SERINC3: variants seen among roughly 807,000 people sequenced by gnomAD.
SERINC3 encodes the protein tumor differentially expressed protein 1.
In SERINC3, 22 loss-of-function variants were observed where a neutral mutation model predicts 52.1. The observed-to-expected ratio is 0.42, with a 90% CI of 0.30 to 0.60. The LOEUF (loss-of-function observed/expected upper bound fraction) is 0.60. Ranked by LOEUF, SERINC3 falls within the 20% of genes least tolerant of loss-of-function variation. The pLI is 0.16. For synonymous variants in SERINC3, 226 were observed against 212.7 expected, an observed-to-expected ratio of 1.06 and a Z score of -0.54; for missense variants, 564 against 584.6, an observed-to-expected ratio of 0.96 and a Z score of 0.36.
downstream of SERINC3, among the ~76,000 whole-genome samples, chr20:44,496,775 C>G (rs960048849): frequency 9.9e-5 from 15 of 152,148 alleles, no homozygotes; most frequent in Admixed American, 9.2e-4. Flanking sequence ...GCCTGGGCAA[C>G]AGAGCAAAAC....
rs1383720765 is a variant in SERINC3 at position 44,504,763 on chromosome 20, C to T, written c.874+38G>A. On this transcript the variant is annotated intron_variant, in intron 7 of 9. Coordinates refer to ENST00000342374, the MANE Select transcript of SERINC3 (RefSeq NM_006811.4). ...TATGTAAAGGCTGATTTCCTACTTT[C>T]TTTTTATCAAATGAATGTGTTATTG... 1.5e-5 allele frequency: 22 copies of T among 1,513,978 alleles called. No homozygotes were observed. The Middle Eastern group carries it at 1.5e-3, about 102-fold the overall frequency. 93.8% of individuals were successfully genotyped at this position (1,513,978 alleles called of 1,614,324 possible). A position where few individuals can be genotyped will look rare whatever the true frequency, so the allele number is the denominator to read the frequency against.
chr20:44,506,828 T>G lies in SERINC3; in HGVS notation c.782A>C (p.Gln261Pro). Residue 261 changes from glutamine to proline, a missense_variant and splice_region_variant, in exon 6 of 10, where the codon CAG (glutamine) becomes CCG (proline). Gln to Pro is a moderately conservative substitution (Grantham distance 76). Coordinates refer to ENST00000342374, the MANE Select transcript of SERINC3 (RefSeq NM_006811.4). ...GAAAGAAGTAGTAAACAATCATACC[T>G]GAATTTTTGGGTGGATCGATATAAT... ...ASIISIHPKI[Q>P]EHQPRSGLLQ... 1 of 1,565,792 alleles carries G rather than the reference T, an allele frequency of 6.4e-7. No individual in the cohort carries two copies. The highest frequency in any genetic ancestry group is 8.6e-7 in the Non-Finnish European group (1 of 1,158,598).
chr20:44,517,831 G>A (rs6031641), intron 1 of SERINC3, among the ~76,000 whole-genome samples: 1 of 152,098 alleles, frequency 6.6e-6, no homozygotes, highest in East Asian at 1.9e-4. Context: ...TCTTTACAAC[G>A]TTATATCTTT....
At position 44,511,282 on chromosome 20, in the gene SERINC3, AC is replaced by A. The variant is rs1188314324; in HGVS notation, c.475+6del. ...TTAAAATTAACCCCCTCAATGGTGA[AC>A]CCTACCTGAGCTGAAATAGCCCCCA... On this transcript the variant is annotated splice_donor_region_variant and intron_variant, in intron 4 of 9. Coordinates refer to ENST00000342374, the MANE Select transcript of SERINC3 (RefSeq NM_006811.4). 6.3e-7 allele frequency: 1 copy of A among 1,584,082 alleles called. No homozygotes were observed. The highest frequency in any genetic ancestry group is 1.3e-5 in the African/African-American group (1 of 74,198).
downstream of SERINC3, chr20:44,496,296 C>G (rs2064248985): frequency 1.3e-5 from 2 of 152,492 alleles, no homozygotes; most frequent in Admixed American, 1.3e-4. Context: ...CACCTGAGAA[C>G]ATAGGCATGG....
intron 2 of SERINC3, 115 bp downstream of exon 2, chr20:44,513,764 G>T: frequency 1.1e-6 from 1 of 883,714 alleles, no homozygotes; most frequent in Non-Finnish European, 1.6e-6. Flanking sequence ...CCCCATATAA[G>T]TAAAAAATCT....
chr20:44,509,553 G>T (rs543826221), intron 5 of SERINC3, among the ~76,000 whole-genome samples: 1 of 152,088 alleles, frequency 6.6e-6, no homozygotes, highest in African/African-American at 2.4e-5. Flanking sequence ...TTTAGAGACA[G>T]GGTCTTGCTC....
chr20:44,507,023 G>T, intron 5 of SERINC3, 27 bp from the exon 6 acceptor site: 2 of 1,527,370 alleles, frequency 1.3e-6, no homozygotes, highest in South Asian at 2.7e-5. Context: ...CAATATGAAT[G>T]ACCACAACTA....
chr20:44,520,934 A>C (rs2064412638), intron 1 of SERINC3, among the ~76,000 whole-genome samples: 1 of 152,142 alleles, frequency 6.6e-6, no homozygotes, highest in South Asian at 2.1e-4. Flanking sequence ...TTGGCACAGA[A>C]AGTGGGCACA....
rs756868827 is a variant in SERINC3, at chr20:44,503,802, C to T, written c.1055+13G>A. Reference sequence around the variant, plus strand: ...CTCCATGAAAATCTTGTTCTAAGTACCTTTTAACTTACCTAGAATACAAGA... The same window carrying T: ...CTCCATGAAAATCTTGTTCTAAGTATCTTTTAACTTACCTAGAATACAAGA... On this transcript the variant is annotated intron_variant, in intron 8 of 9. Coordinates refer to ENST00000342374, the MANE Select transcript of SERINC3 (RefSeq NM_006811.4). 6.6e-7 allele frequency: 1 copy of T among 1,520,028 alleles called. No homozygotes were observed. The highest frequency in any genetic ancestry group is 1.3e-5 in the South Asian group (1 of 75,318). The allele number at this position is 1,520,028 out of a possible 1,614,324, so 94.2% of individuals were successfully genotyped here. A position where few individuals can be genotyped will look rare whatever the true frequency, so the allele number is the denominator to read the frequency against.
intron 1 of SERINC3, among the ~76,000 whole-genome samples, chr20:44,514,528 G>C (rs2064367936): frequency 6.6e-6 from 1 of 152,182 alleles, no homozygotes; most frequent in Non-Finnish European, 1.5e-5. Context: ...GGGAGGCCGA[G>C]GCGGGTGGAT....
chr20:44,501,119 A>T lies in SERINC3; in HGVS notation c.1237T>A (p.Cys413Ser). 6.2e-7 allele frequency: 1 copy of T among 1,614,140 alleles called. No homozygotes were observed. Among genetic ancestry groups the T allele is most frequent in the Non-Finnish European group, 8.5e-7 (1 of 1,180,022 alleles). ...YSYSLFHLML[C>S]LASLYIMMTL... ...ATCATGATGTACAAGGAAGCCAAGC[A>T]GAGCATGAGGTGGAATAAGGAGTAG... The change falls in exon 9 of 10, where the codon TGC becomes AGC. Residue 413 changes from cysteine to serine, a missense_variant. Coordinates refer to ENST00000342374, the MANE Select transcript of SERINC3 (RefSeq NM_006811.4).
In SERINC3 at chr20:44,500,108, C is replaced by T. The variant is rs1405308249; in HGVS notation, c.*188G>A. 4 of 614,230 alleles carry T rather than the reference C, an allele frequency of 6.5e-6. No homozygotes were observed. The highest frequency in any genetic ancestry group is 3.5e-5 in the Admixed American group (1 of 28,942). 38.0% of individuals were successfully genotyped at this position (614,230 alleles called of 1,614,324 possible). On this transcript the variant is annotated 3_prime_UTR_variant, in exon 10 of 10. Coordinates refer to ENST00000342374, the MANE Select transcript of SERINC3 (RefSeq NM_006811.4). ...TATCCTTAGAAGTAAACATAATATA[C>T]AGATAAATGAGAAGTTTCGATTCTG...
chr20:44,514,914 C>T (rs2064370552), intron 1 of SERINC3, among the ~76,000 whole-genome samples: 1 of 152,008 alleles, frequency 6.6e-6, no homozygotes, highest in South Asian at 2.1e-4. Context: ...AAGTATATAC[C>T]CGACCCCAAT....
Position 44,500,238 on chromosome 20 carries a change from G to C in SERINC3, c.*58C>G. 4 of 1,557,370 alleles carry C rather than the reference G, an allele frequency of 2.6e-6. No homozygotes were observed. Among genetic ancestry groups the C allele is most frequent in the Non-Finnish European group, 2.6e-6 (3 of 1,145,808 alleles). On this transcript the variant is annotated 3_prime_UTR_variant, in exon 10 of 10. Transcript: ENST00000342374. ...GTTGAAACAAACTTAAAAGGTATATGGGTTTTCGGTGAAGGAGACCTTTGT... is the reference window on the plus strand; with the variant it reads ...GTTGAAACAAACTTAAAAGGTATATCGGTTTTCGGTGAAGGAGACCTTTGT...
intron 5 of SERINC3, among the ~76,000 whole-genome samples, chr20:44,509,067 A>C (rs1322094402): frequency 6.6e-6 from 1 of 152,244 alleles, no homozygotes; most frequent in Non-Finnish European, 1.5e-5. Flanking sequence ...AATCTGTCCT[A>C]AGGAAATAAT....
chr20:44,497,680 T>C lies in SERINC3; in HGVS notation c.*2616A>G, dbSNP rs2064255859. The C allele has an allele frequency of 6.6e-6, 1 of 152,234 alleles. No homozygotes were observed. The highest frequency in any genetic ancestry group is 6.5e-5 in the Admixed American group (1 of 15,272). 9.4% of individuals were successfully genotyped at this position (152,234 alleles called of 1,614,324 possible). Reference sequence around the variant, plus strand: ...CTGACCCTCAAATCCCTTGAAACGCTATACCCTGACATAAACCACTGGTTT... The same window carrying C: ...CTGACCCTCAAATCCCTTGAAACGCCATACCCTGACATAAACCACTGGTTT... On this transcript the variant is annotated 3_prime_UTR_variant, in exon 10 of 10. Coordinates refer to ENST00000342374, the MANE Select transcript of SERINC3 (RefSeq NM_006811.4).
At chr20:44,520,301 T>G (rs562991852) in intron 1 of SERINC3, among the ~76,000 whole-genome samples, 1 of 152,280 alleles carries the variant, frequency 6.6e-6, no homozygotes, top group East Asian at 1.9e-4. Context: ...CCTTGGAGGT[T>G]GAAGAGAGCC....
chr20:44,499,699 G>C lies in SERINC3; in HGVS notation c.*597C>G, dbSNP rs2064267577. ...TGAATCAAGCAGTCTCAATGCTACA[G>C]TGTAAAAAAAGTAAATTAAAAAACT... On this transcript the variant is annotated 3_prime_UTR_variant, in exon 10 of 10. Coordinates refer to ENST00000342374, the MANE Select transcript of SERINC3 (RefSeq NM_006811.4). The C allele has an allele frequency of 6.6e-6, 1 of 152,316 alleles. No individual in the cohort carries two copies. The highest frequency in any genetic ancestry group is 6.5e-5 in the Admixed American group (1 of 15,276). 9.4% of individuals were successfully genotyped at this position (152,316 alleles called of 1,614,324 possible). A position where few individuals can be genotyped will look rare whatever the true frequency, so the allele number is the denominator to read the frequency against.
Sources: gnomAD v4.1 joint callset for allele counts (sites outside exome capture counted in the v4.1 genomes callset) on GRCh38, gnomAD v4.1.1 for gene constraint, MANE v1.5 for transcripts, NCBI Gene and HGNC (gene_info 2026-07-23, HGNC 2026-07-21) for gene names.